The following AGMO variants were observed in gnomAD, a reference collection of about 807,000 sequenced individuals.
AGMO encodes alkylglycerol monooxygenase, also known as glyceryl-ether monooxygenase.
A neutral mutation model predicts 60.2 loss-of-function variants in AGMO; 75 were observed. The observed-to-expected ratio is 1.25, with a 90% CI of 1.03 to 1.51. The LOEUF is 1.51. Ranked by LOEUF, AGMO falls within the 40% of genes most tolerant of loss-of-function variation. The probability of loss-of-function intolerance (pLI) is 0.00; values close to 1 mark genes in which losing one functional copy is unlikely to be tolerated. For synonymous variants in AGMO, 261 were observed against 177.1 expected, an observed-to-expected ratio of 1.47 and a Z score of -3.76; for missense variants, 763 against 525.5, an observed-to-expected ratio of 1.45 and a Z score of -4.42.
At chr7:15,515,335 C>T (rs990358892) in intron 3 of AGMO, among the ~76,000 whole-genome samples, 1 of 152,166 alleles carries the variant, frequency 6.6e-6, no homozygotes, top group African/African-American at 2.4e-5. Flanking sequence ...TTACTTTGGA[C>T]ATTATTTTTC....
chr7:15,547,406 C>G (rs988852800), intron 2 of AGMO, among the ~76,000 whole-genome samples: 9 of 151,994 alleles, frequency 5.9e-5, no homozygotes, highest in African/African-American at 1.9e-4. Context: ...TCTGAGGTAC[C>G]GGGTTCATCT....
At chr7:15,140,857 T>C in the AGMO span, among the ~76,000 whole-genome samples, 2 of 152,294 alleles carry the variant, frequency 1.3e-5, no homozygotes, top group African/African-American at 4.8e-5. Flanking sequence ...AATTCTGATA[T>C]CTGTAATCCT....
At chr7:15,294,085 A>T (rs1198108879) in intron 12 of AGMO, among the ~76,000 whole-genome samples, 4 of 152,130 alleles carry the variant, frequency 2.6e-5, no homozygotes, top group Admixed American at 1.3e-4. Context: ...GAAGTTCAAA[A>T]CCTTGAACAG....
chr7:15,315,328 CTTTTTTTTTTTTTTT>C (rs1178276622), intron 12 of AGMO, among the ~76,000 whole-genome samples: 1 of 48,182 alleles, frequency 2.1e-5, no homozygotes, highest in Non-Finnish European at 3.9e-5. Flanking sequence ...TGGATATTTG[CTTTTTTTTTTTTTTT>C]TTTTTTTTTT....
chr7:15,208,806 A>C (rs912544985), intron 12 of AGMO, among the ~76,000 whole-genome samples: 6 of 152,202 alleles, frequency 3.9e-5, no homozygotes, highest in African/African-American at 1.4e-4. Context: ...ATTGGCACAA[A>C]ATTGTTTGCC....
At chr7:15,560,350 G>A (rs2115318199) in intron 1 of AGMO, 79 bp from the exon 2 acceptor site, 1 of 1,476,674 alleles carries the variant, frequency 6.8e-7, no homozygotes, top group Middle Eastern at 2.4e-4. Context: ...AGTCATTTCA[G>A]AATTGAAAGG....
At chr7:15,205,117 A>G (rs1403627328) in intron 12 of AGMO, among the ~76,000 whole-genome samples, 1 of 152,212 alleles carries the variant, frequency 6.6e-6, no homozygotes, top group Admixed American at 6.5e-5. Context: ...CTCAAATTAC[A>G]AAGAAATGTG....
the AGMO span, among the ~76,000 whole-genome samples, chr7:15,162,121 C>T: frequency 6.6e-6 from 1 of 152,138 alleles, no homozygotes. Context: ...TGTGCTTTGG[C>T]TCTCTCCTGC....
chr7:15,419,943 A>G (rs1780881379), intron 4 of AGMO, among the ~76,000 whole-genome samples: 5 of 152,110 alleles, frequency 3.3e-5, no homozygotes, highest in Admixed American at 3.3e-4. Flanking sequence ...TAAAACAATT[A>G]TCTCCCAATA....
At chr7:15,178,411 GC>G in the AGMO span, among the ~76,000 whole-genome samples, 1 of 152,106 alleles carries the variant, frequency 6.6e-6, no homozygotes, top group African/African-American at 2.4e-5. Context: ...CTCATTTACT[GC>G]ATAATCTGTC....
the AGMO span, among the ~76,000 whole-genome samples, chr7:15,178,707 A>G: frequency 6.6e-6 from 1 of 152,152 alleles, no homozygotes; most frequent in Non-Finnish European, 1.5e-5. Flanking sequence ...AACATTTTGC[A>G]AGTAGTAAAT....
the AGMO span, among the ~76,000 whole-genome samples, chr7:15,166,317 A>G: frequency 3.9e-5 from 6 of 152,128 alleles, no homozygotes; most frequent in Admixed American, 6.6e-5. Context: ...GGAAGACCAC[A>G]CCGGTGGATG....
chr7:15,189,269 A>G, the AGMO span, among the ~76,000 whole-genome samples: 1 of 152,240 alleles, frequency 6.6e-6, no homozygotes, highest in Admixed American at 6.6e-5. Flanking sequence ...TATTAATGAA[A>G]TTTACAAATA....
At chr7:15,534,790 A>G (rs1271568801) in intron 3 of AGMO, among the ~76,000 whole-genome samples, 1 of 151,876 alleles carries the variant, frequency 6.6e-6, no homozygotes, top group Non-Finnish European at 1.5e-5. Flanking sequence ...TGAGAAAAAA[A>G]TTAAGTTTGT....
intron 12 of AGMO, among the ~76,000 whole-genome samples, chr7:15,208,659 AGCAC>A (rs1781499999): frequency 1.3e-5 from 2 of 152,308 alleles, no homozygotes; most frequent in South Asian, 4.1e-4. Flanking sequence ...AAACTATGAT[AGCAC>A]TATTTTTTGA....
intron 12 of AGMO, among the ~76,000 whole-genome samples, chr7:15,333,724 T>C (rs1036488645): frequency 1.3e-5 from 2 of 152,082 alleles, no homozygotes; most frequent in Admixed American, 6.6e-5. Context: ...TGGAAAAGTA[T>C]TGATTATGCA....
the AGMO span, among the ~76,000 whole-genome samples, chr7:15,142,879 C>G: frequency 1.3e-5 from 2 of 152,148 alleles, no homozygotes; most frequent in South Asian, 2.1e-4. Context: ...AAGAAACTTG[C>G]AGTTGTTATC....
In AGMO at chr7:15,558,234, TA is replaced by T. The variant is rs986626819; in HGVS notation, c.257+1906del. On this transcript the variant is annotated intron_variant, in intron 2 of 12. Coordinates refer to ENST00000342526, the MANE Select transcript of AGMO (RefSeq NM_001004320.2). ...TGGAACAAAATCAAACTTTAAAAGG[TA>T]AAAAAAAAAATTCTGAAGAGTTCAT... is the stretch of plus-strand genomic sequence containing the variant. Among the ~76,000 whole-genome samples, 119 of 146,842 alleles carry T rather than the reference TA, an allele frequency of 8.1e-4. 1 individual carries two copies. In the East Asian group the frequency reaches 0.01, roughly 13 times the overall value.
chr7:15,384,909 G>C (rs1432049984), intron 10 of AGMO, among the ~76,000 whole-genome samples: 1 of 133,982 alleles, frequency 7.5e-6, no homozygotes, highest in Non-Finnish European at 1.6e-5. Flanking sequence ...ATTCTTTTGT[G>C]GCCAAAAAAA....
Sources: allele counts gnomAD v4.1 joint callset (sites outside exome capture counted in the v4.1 genomes callset), GRCh38; gene constraint gnomAD v4.1.1; transcripts MANE v1.5; gene names NCBI Gene and HGNC (gene_info 2026-07-23, HGNC 2026-07-21).